The following ACTA2 variants were observed in gnomAD, a reference collection of about 807,000 sequenced individuals.
The protein encoded by ACTA2 is actin alpha 2, smooth muscle.
A neutral mutation model predicts 39.5 loss-of-function variants in ACTA2; 12 were observed. The observed-to-expected ratio is 0.30, with a 90% CI of 0.19 to 0.49. ACTA2 has a LOEUF of 0.49. Ranked by LOEUF, ACTA2 falls within the 20% of genes least tolerant of loss-of-function variation. ACTA2 has a pLI of 0.99. For synonymous variants in ACTA2, 158 were observed against 180.6 expected (o/e 0.88, Z 1.00); for missense variants, 236 against 498.8 (o/e 0.47, Z 5.02).
At chr10:88,966,665 G>C (rs990595055) in intron 1 of ACTA2, among the ~76,000 whole-genome samples, 2 of 152,180 alleles carry the variant, frequency 1.3e-5, no homozygotes, top group African/African-American at 4.8e-5. Flanking sequence ...TCTACTGGCT[G>C]TCTGTGTTTG....
Position 88,938,065 on chromosome 10 carries a change from A to G in ACTA2, c.986T>C (p.Ile329Thr). The change falls in exon 8 of 9, where the codon ATC becomes ACC. Residue 329 changes from isoleucine to threonine, a missense_variant. By Grantham distance (89) the Ile-to-Thr change is moderately conservative (BLOSUM62 -1). Coordinates refer to ENST00000224784, the MANE Select transcript of ACTA2 (RefSeq NM_001613.4). ...GGGTCTGTCACTGAACAGTACCTTG[A>G]TCTTCATGGTGCTGGGTGCTAGGGC... is the stretch of plus-strand genomic sequence containing the variant. ...ITALAPSTMKIKIIAPPERKY... is the reference protein window; with the variant it reads ...ITALAPSTMKTKIIAPPERKY... The G allele has an allele frequency of 6.2e-7, 1 of 1,613,880 alleles. No individual in the cohort carries two copies. Among genetic ancestry groups the G allele is most frequent in the East Asian group, 2.2e-5 (1 of 44,828 alleles).
At chr10:88,966,051 G>A (rs1455877520) in intron 1 of ACTA2, among the ~76,000 whole-genome samples, 3 of 152,236 alleles carry the variant, frequency 2.0e-5, no homozygotes, top group Middle Eastern at 3.4e-3. Flanking sequence ...AAGTAATCAC[G>A]GTTTTTGCCA....
At chr10:88,964,113 A>T (rs1186161979) in intron 1 of ACTA2, among the ~76,000 whole-genome samples, 1 of 151,914 alleles carries the variant, frequency 6.6e-6, no homozygotes, top group African/African-American at 2.4e-5. Context: ...CTTTAGTTTC[A>T]TATATTTACT....
At chr10:88,982,799 A>G (rs1254527133) in intron 1 of ACTA2, among the ~76,000 whole-genome samples, 1 of 152,220 alleles carries the variant, frequency 6.6e-6, no homozygotes, top group African/African-American at 2.4e-5. Context: ...TAATGAGATT[A>G]CTGAATTTGT....
intron 1 of ACTA2, among the ~76,000 whole-genome samples, chr10:88,950,330 G>C (rs752295180): frequency 6.6e-6 from 1 of 152,168 alleles, no homozygotes; most frequent in Non-Finnish European, 1.5e-5. Flanking sequence ...TGGGTTAACT[G>C]ATTGCACCTC....
At chr10:88,987,076 C>A (rs1846919242) in intron 1 of ACTA2, among the ~76,000 whole-genome samples, 1 of 152,196 alleles carries the variant, frequency 6.6e-6, no homozygotes, top group Admixed American at 6.5e-5. Flanking sequence ...AGAACCCATA[C>A]ATATTTCTAT....
chr10:88,938,430 T>C, intron 7 of ACTA2, 188 bp from the exon 8 acceptor site: 1 of 648,676 alleles, frequency 1.5e-6, no homozygotes, highest in Non-Finnish European at 2.7e-6. Context: ...GCCTGCCTTC[T>C]AATGAGGAAG....
At chr10:88,945,846 A>G (rs1465491177) in intron 3 of ACTA2, among the ~76,000 whole-genome samples, 1 of 152,204 alleles carries the variant, frequency 6.6e-6, no homozygotes, top group Non-Finnish European at 1.5e-5. Flanking sequence ...TGGGCTGTTT[A>G]AGACTACTCC....
In ACTA2 at chr10:88,939,607, G is replaced by C; in HGVS notation, c.708C>G (p.Ser236=). 1 of 1,614,140 alleles carries C rather than the reference G, an allele frequency of 6.2e-7. No individual in the cohort carries two copies. Among genetic ancestry groups the C allele is most frequent in the South Asian group, 1.1e-5 (1 of 91,082 alleles). Residue 236 remains serine (S), a synonymous_variant, in exon 7 of 9, where the codon TCC becomes TCG. Transcript: ENST00000224784. ...GCAACTCGTAACTCTTCTCAAGGGA[G>C]GATGAGGATGCGGCAGTGGCCATCT... The part of the protein sequence containing the change: ...ENEMATAASS[S]SLEKSYELPD...
In ACTA2 at chr10:88,943,786, A is replaced by G. The variant is rs1384807600; in HGVS notation, c.369+11T>C. The G allele has an allele frequency of 2.5e-6, 4 of 1,603,338 alleles. No homozygotes were observed. Among genetic ancestry groups the G allele is most frequent in the Admixed American group, 3.3e-5 (2 of 60,008 alleles). ...ACCCCACAGTGTTGTGTGCTGGGGT[A>G]GCATACTTACTTGAGTCATTTTCTC... On this transcript the variant is annotated intron_variant, in intron 4 of 8. Transcript: ENST00000224784.
chr10:88,977,606 C>T (rs1235971558), intron 1 of ACTA2, among the ~76,000 whole-genome samples: 2 of 151,790 alleles, frequency 1.3e-5, no homozygotes, highest in African/African-American at 4.8e-5. Flanking sequence ...ACAGACACTT[C>T]TCAAAAGAAG....
At position 88,935,214 on chromosome 10, in the gene ACTA2, G is replaced by A. The variant is rs1394525493; in HGVS notation, c.*9C>T. The stretch of plus-strand genomic sequence containing the variant: ...GTGTGCTAGAGACAGAGAGGAGCAG[G>A]AAAGTGTTTTAGAAGCATTTGCGGT... On this transcript the variant is annotated 3_prime_UTR_variant, in exon 9 of 9. Coordinates refer to ENST00000224784, the MANE Select transcript of ACTA2 (RefSeq NM_001613.4). The A allele has an allele frequency of 6.2e-7, 1 of 1,612,632 alleles. No homozygotes were observed. The highest frequency in any genetic ancestry group is 8.5e-7 in the Non-Finnish European group (1 of 1,179,664).
chr10:88,959,598 AC>A (rs1319339146), intron 1 of ACTA2, among the ~76,000 whole-genome samples: 1 of 152,248 alleles, frequency 6.6e-6, no homozygotes, highest in African/African-American at 2.4e-5. Context: ...GTTCTCATGT[AC>A]CCTACACCTA....
At chr10:88,946,369 T>G (rs1412934236) in intron 3 of ACTA2, among the ~76,000 whole-genome samples, 1 of 150,048 alleles carries the variant, frequency 6.7e-6, no homozygotes, top group Non-Finnish European at 1.5e-5. Context: ...AGTGCTGAGA[T>G]TACAGGTGTG....
chr10:88,947,414 A>T, intron 2 of ACTA2, 28 bp from the exon 3 acceptor site: 1 of 1,613,286 alleles, frequency 6.2e-7, no homozygotes, highest in Non-Finnish European at 8.5e-7. Context: ...ATTATGAGTC[A>T]GCATCTCCCA....
Position 88,947,335 on chromosome 10 carries a change from G to A in ACTA2, c.181C>T (p.Gln61Ter). The change falls in exon 3 of 9, where the codon CAG becomes TAG. Residue 61 changes from glutamine to a stop codon, truncating the protein, a stop_gained. Coordinates refer to ENST00000224784, the MANE Select transcript of ACTA2 (RefSeq NM_001613.4). LOFTEE classifies it high-confidence loss of function. ...AGGGTCAGGATTCCTCTTTTGCTCT[G>A]TGCTTCGTCACCCACGTAGCTGTCT... ...QKDSYVGDEA[Q>*]SKRGILTLKY... is the part of the protein sequence containing the mutation. The A allele has an allele frequency of 6.2e-7, 1 of 1,613,936 alleles. No homozygotes were observed. The highest frequency in any genetic ancestry group is 8.5e-7 in the Non-Finnish European group (1 of 1,179,922).
At chr10:88,938,602 C>A in intron 7 of ACTA2, 1 of 274,634 alleles carries the variant, frequency 3.6e-6, no homozygotes, top group Non-Finnish European at 7.2e-6. Flanking sequence ...AGAGCTCTCC[C>A]AGGTCTCCAT....
chr10:88,938,842 C>T (rs1308851253), intron 7 of ACTA2, among the ~76,000 whole-genome samples: 9 of 147,672 alleles, frequency 6.1e-5, no homozygotes, highest in African/African-American at 2.0e-4. Flanking sequence ...GTAATGATAA[C>T]GTTAACAATA....
At chr10:88,938,888 T>C (rs998335213) in intron 7 of ACTA2, among the ~76,000 whole-genome samples, 2 of 152,204 alleles carry the variant, frequency 1.3e-5, no homozygotes, top group African/African-American at 2.4e-5. Flanking sequence ...TGATATCTGA[T>C]AATTATTGAA....
Sources: gnomAD v4.1 joint callset for allele counts (sites outside exome capture counted in the v4.1 genomes callset) on GRCh38, gnomAD v4.1.1 for gene constraint, MANE v1.5 for transcripts, NCBI Gene and HGNC (gene_info 2026-07-23, HGNC 2026-07-21) for gene names.